The following MAP6 variants were observed in gnomAD, a reference collection of about 807,000 sequenced individuals.
MAP6 encodes microtubule-associated protein 6.
Under a neutral mutation model 42.4 loss-of-function variants are expected in MAP6, and 26 were observed. That is an observed-to-expected ratio of 0.61 (90% CI 0.45 to 0.85). The LOEUF is 0.85. Among genes scored for constraint, MAP6 ranks in the 40% least tolerant of loss-of-function variants. The probability of loss-of-function intolerance (pLI) is 0.00; values close to 1 mark genes in which losing one functional copy is unlikely to be tolerated. For missense variants in MAP6, 966 were observed against 1,099.0 expected (o/e 0.88, Z 1.71); for synonymous variants, 418 against 443.8 (o/e 0.94, Z 0.73).
intron 1 of MAP6, chr11:75,642,790 G>T: frequency 2.5e-6 from 1 of 406,356 alleles, no homozygotes; most frequent in Non-Finnish European, 5.2e-6. Flanking sequence ...GCAACTAGTC[G>T]AATGAGACAC....
intron 1 of MAP6, among the ~76,000 whole-genome samples, chr11:75,648,460 T>C (rs937318628): frequency 2.0e-5 from 3 of 152,206 alleles, no homozygotes; most frequent in South Asian, 4.1e-4. Context: ...ATTGAGCCAC[T>C]GTACTCCAGC....
chr11:75,595,860 C>CCT (rs1210704350), intron 3 of MAP6, among the ~76,000 whole-genome samples: 1 of 151,978 alleles, frequency 6.6e-6, no homozygotes, highest in Non-Finnish European at 1.5e-5. Context: ...CCCCTCCTCT[C>CCT]CTCTCTCTCT....
chr11:75,602,120 G>A (rs77877791), intron 3 of MAP6, among the ~76,000 whole-genome samples: 102 of 152,222 alleles, frequency 6.7e-4, no homozygotes, highest in African/African-American at 2.4e-3. Context: ...GGATAACAAA[G>A]TGGGCAAACT....
chr11:75,595,067 A>G (rs1445487707), intron 3 of MAP6, among the ~76,000 whole-genome samples: 2 of 152,214 alleles, frequency 1.3e-5, no homozygotes, highest in East Asian at 3.8e-4. Context: ...CAGGGCTGGA[A>G]GGATAGACTG....
chr11:75,608,118 T>C lies in MAP6; in HGVS notation c.1110A>G (p.Glu370=), dbSNP rs1461947842. 1.2e-6 allele frequency: 2 copies of C among 1,613,534 alleles called. No individual in the cohort carries two copies. The highest frequency in any genetic ancestry group is 2.2e-5 in the East Asian group (1 of 44,894). The stretch of plus-strand genomic sequence containing the variant: ...ACAAGGTCTGTCTCACCTTTGGGGG[T>C]TCCTTGAAGGGTTCGCTGTAGAGGC... ...IRSLYSEPFK[E]PPKVEKPSVQ... Residue 370 remains glutamate, a synonymous_variant, in exon 2 of 4, where the codon GAA becomes GAG. Coordinates refer to ENST00000304771, the MANE Select transcript of MAP6 (RefSeq NM_033063.2).
At chr11:75,615,959 G>A (rs1942987657) in intron 1 of MAP6, among the ~76,000 whole-genome samples, 1 of 134,416 alleles carries the variant, frequency 7.4e-6, no homozygotes, top group Non-Finnish European at 1.6e-5. Flanking sequence ...GCGCGGGGCG[G>A]CAGGGGGCGG....
intron 1 of MAP6, among the ~76,000 whole-genome samples, chr11:75,654,115 T>C (rs1176220491): frequency 6.6e-6 from 1 of 152,114 alleles, no homozygotes; most frequent in African/African-American, 2.4e-5. Context: ...ACTTGTAAGG[T>C]AGATATTAGT....
intron 1 of MAP6, among the ~76,000 whole-genome samples, chr11:75,623,869 T>C (rs1375783619): frequency 1.3e-5 from 2 of 152,212 alleles, no homozygotes; most frequent in East Asian, 3.8e-4. Flanking sequence ...TTTGTGCTGC[T>C]TTTGATTCTT....
In MAP6 at chr11:75,587,435, T is replaced by C; in HGVS notation, c.2066A>G (p.Glu689Gly). ...PVKDQDVVVP[E>G]HAKVHDSAVV... ...TGCAGAATCGTGAACCTTTGCATGCTCTGGGACTACAACATCTTGATCCTT... is the reference window on the plus strand; with the variant it reads ...TGCAGAATCGTGAACCTTTGCATGCCCTGGGACTACAACATCTTGATCCTT... The change falls in exon 4 of 4, where the codon GAG (glutamate) becomes GGG (glycine). Residue 689 changes from glutamate (E) to glycine (G), a missense_variant. Physicochemically the swap from Glu to Gly is moderately conservative, Grantham distance 98. Transcript: ENST00000304771. The C allele has an allele frequency of 1.2e-6, 2 of 1,614,096 alleles. No individual in the cohort carries two copies. Among genetic ancestry groups the C allele is most frequent in the Non-Finnish European group, 1.7e-6 (2 of 1,180,000 alleles).
chr11:75,624,519 G>A (rs765283820), intron 1 of MAP6, among the ~76,000 whole-genome samples: 1 of 152,074 alleles, frequency 6.6e-6, no homozygotes, highest in Non-Finnish European at 1.5e-5. Flanking sequence ...GGGCCTGACT[G>A]GAACCCAGGC....
intron 1 of MAP6, among the ~76,000 whole-genome samples, chr11:75,639,809 G>A (rs1293756354): frequency 6.6e-6 from 1 of 152,194 alleles, no homozygotes; most frequent in Non-Finnish European, 1.5e-5. Context: ...CACACAGAGA[G>A]ATTACTGTTC....
intron 1 of MAP6, among the ~76,000 whole-genome samples, chr11:75,643,521 G>A (rs138110503): frequency 4.2e-4 from 64 of 152,302 alleles, no homozygotes; most frequent in African/African-American, 1.5e-3. Context: ...CACTTCAACT[G>A]TGAAGTCTTT....
intron 3 of MAP6, among the ~76,000 whole-genome samples, chr11:75,593,950 T>C (rs899089257): frequency 6.6e-6 from 1 of 150,484 alleles, no homozygotes; most frequent in Admixed American, 6.7e-5. Flanking sequence ...AGTTTCCTTA[T>C]CTACAAAAGG....
intron 1 of MAP6, among the ~76,000 whole-genome samples, chr11:75,634,917 A>G (rs1382001149): frequency 6.6e-6 from 1 of 152,206 alleles, no homozygotes; most frequent in Non-Finnish European, 1.5e-5. Flanking sequence ...ACACCAAATT[A>G]CTAATGAGGT....
In MAP6 at chr11:75,657,482, C is replaced by T. The variant is rs191417601; in HGVS notation, c.905+9983G>A. Among the ~76,000 whole-genome samples the T allele has an allele frequency of 2.4e-4, 36 of 152,232 alleles. No individual in the cohort carries two copies. The East Asian group carries it at 5.4e-3, about 23-fold the overall frequency. On this transcript the variant is annotated intron_variant, in intron 1 of 3. Coordinates refer to ENST00000304771, the MANE Select transcript of MAP6 (RefSeq NM_033063.2). ...GAAATATTACTGGTGTGTAGTGCAT[C>T]GAGGCCAGGGATGCTGCTAGACATC... is the stretch of plus-strand genomic sequence containing the variant.
chr11:75,587,661 C>T lies in MAP6; in HGVS notation c.1840G>A (p.Val614Ile), dbSNP rs573925722. 26 of 1,613,850 alleles carry T rather than the reference C, an allele frequency of 1.6e-5. No individual in the cohort carries two copies. The highest frequency in any genetic ancestry group is 2.2e-5 in the East Asian group (1 of 44,858). ...GGGACTATGGGACCTTCACCCTTGA[C>T]AGGTGCTGGGACTATGGGACCTTGA... ...KDQGPIVPAP[V>I]KGEGPIVPAP... is the part of the protein sequence containing the mutation. Residue 614 changes from valine to isoleucine, a missense_variant, in exon 4 of 4, where the codon GTC becomes ATC. Transcript: ENST00000304771.
Position 75,586,972 on chromosome 11 carries a change from AT to A in MAP6, c.*86del. Reference sequence around the variant, plus strand: ...CCAGCAAGACTACTGTACATGTTTCATGCAGATTAAATATGTGTCTTCACTG... The same window carrying A: ...CCAGCAAGACTACTGTACATGTTTCAGCAGATTAAATATGTGTCTTCACTG... On this transcript the variant is annotated 3_prime_UTR_variant, in exon 4 of 4. Coordinates refer to ENST00000304771, the MANE Select transcript of MAP6 (RefSeq NM_033063.2). 2.2e-6 allele frequency: 3 copies of A among 1,344,678 alleles called. No individual in the cohort carries two copies. The highest frequency in any genetic ancestry group is 3.1e-6 in the Non-Finnish European group (3 of 980,046). 83.3% of individuals were successfully genotyped at this position (1,344,678 alleles called of 1,614,324 possible).
chr11:75,603,603 G>A (rs2135583292), intron 3 of MAP6: 1 of 353,882 alleles, frequency 2.8e-6, no homozygotes, highest in South Asian at 1.3e-4. Context: ...AGTGGGGGCG[G>A]GGGGTGGGGA....
At chr11:75,626,438 C>T (rs536913854) in intron 1 of MAP6, among the ~76,000 whole-genome samples, 8 of 152,152 alleles carry the variant, frequency 5.3e-5, no homozygotes, top group Non-Finnish European at 1.5e-5. Context: ...AGAGGAGTGA[C>T]GTGATGATGT....
Sources: allele counts gnomAD v4.1 joint callset (sites outside exome capture counted in the v4.1 genomes callset), GRCh38; gene constraint gnomAD v4.1.1; transcripts MANE v1.5; gene names NCBI Gene and HGNC (gene_info 2026-07-23, HGNC 2026-07-21).